SOX6: variants seen among roughly 807,000 people sequenced by gnomAD.
SOX6 encodes SRY-box transcription factor 6.
A neutral mutation model predicts 97.8 loss-of-function variants in SOX6; 11 were observed. The observed-to-expected ratio is 0.11, with a 90% CI of 0.07 to 0.19. The LOEUF (loss-of-function observed/expected upper bound fraction) is 0.19. Ranked by LOEUF, SOX6 falls within the 10% of genes least tolerant of loss-of-function variation. SOX6 has a pLI of 1.00. For missense variants in SOX6, 810 were observed against 1,039.5 expected (o/e 0.78, Z 3.04); for synonymous variants, 360 against 371.4 (o/e 0.97, Z 0.35).
chr11:16,194,526 T>C (rs1023776098), intron 4 of SOX6, among the ~76,000 whole-genome samples: 1 of 152,146 alleles, frequency 6.6e-6, no homozygotes, highest in Non-Finnish European at 1.5e-5. Flanking sequence ...TTTGTTACTG[T>C]TGTTGTTGTT....
At chr11:16,738,149 A>G (rs1258685682) in intron 1 of SOX6, among the ~76,000 whole-genome samples, 1 of 152,180 alleles carries the variant, frequency 6.6e-6, no homozygotes, top group African/African-American at 2.4e-5. Flanking sequence ...CGAAATATTC[A>G]TGAAAACATT....
At chr11:16,256,640 G>A (rs1405691766) in intron 3 of SOX6, among the ~76,000 whole-genome samples, 1 of 151,884 alleles carries the variant, frequency 6.6e-6, no homozygotes, top group Non-Finnish European at 1.5e-5. Context: ...AGTAAGATTA[G>A]AAACAAGGGG....
intron 9 of SOX6, among the ~76,000 whole-genome samples, chr11:16,088,114 C>T (rs953945710): frequency 3.2e-4 from 49 of 152,190 alleles, no homozygotes; most frequent in African/African-American, 1.2e-3. Flanking sequence ...TGTTAATTTG[C>T]TTGCAAACTT....
chr11:16,709,082 C>T (rs1442028391), intron 3 of SOX6, among the ~76,000 whole-genome samples: 3 of 152,130 alleles, frequency 2.0e-5, no homozygotes, highest in East Asian at 1.9e-4. Flanking sequence ...GGATATTTAT[C>T]CCCACCCAAA....
At chr11:16,218,915 T>G (rs1590039191) in intron 4 of SOX6, among the ~76,000 whole-genome samples, 1 of 152,198 alleles carries the variant, frequency 6.6e-6, no homozygotes, top group East Asian at 1.9e-4. Flanking sequence ...GTACTTTTCT[T>G]ACCAGTTCAT....
chr11:16,714,908 G>C (rs1848209309), intron 2 of SOX6: 1 of 152,138 alleles, frequency 6.6e-6, no homozygotes, highest in African/African-American at 2.4e-5. Context: ...AAACAGTCCT[G>C]TTGGAAAAGT....
intron 3 of SOX6, among the ~76,000 whole-genome samples, chr11:16,284,579 C>G (rs899827796): frequency 6.6e-6 from 1 of 152,034 alleles, no homozygotes. Flanking sequence ...AGGCAATATG[C>G]TAGGTTCTGG....
At chr11:16,426,478 A>C (rs1385193316) in intron 1 of SOX6, among the ~76,000 whole-genome samples, 1 of 152,052 alleles carries the variant, frequency 6.6e-6, no homozygotes, top group Non-Finnish European at 1.5e-5. Context: ...AATGGAACAA[A>C]ATAGAGAAAC....
At chr11:15,980,515 C>A (rs931392679) in intron 15 of SOX6, among the ~76,000 whole-genome samples, 1 of 152,090 alleles carries the variant, frequency 6.6e-6, no homozygotes, top group Non-Finnish European at 1.5e-5. Context: ...ACTAACTGTG[C>A]ATAGCTAATT....
At chr11:16,709,578 C>T (rs1284035486) in intron 3 of SOX6, among the ~76,000 whole-genome samples, 1 of 152,136 alleles carries the variant, frequency 6.6e-6, no homozygotes, top group Non-Finnish European at 1.5e-5. Flanking sequence ...TCTGTTCCTC[C>T]TTTGCCTTCC....
chr11:16,083,718 T>G (rs538062658), intron 9 of SOX6, among the ~76,000 whole-genome samples: 1 of 152,316 alleles, frequency 6.6e-6, no homozygotes, highest in South Asian at 2.1e-4. Flanking sequence ...TAGACCTCAG[T>G]TTCTTCAACT....
intron 6 of SOX6, among the ~76,000 whole-genome samples, chr11:16,140,700 G>A (rs942852544): frequency 6.6e-6 from 1 of 152,110 alleles, no homozygotes; most frequent in African/African-American, 2.4e-5. Flanking sequence ...GACTATGAGG[G>A]TAAAATACCA....
chr11:16,632,706 C>T (rs1378540143), intron 3 of SOX6, among the ~76,000 whole-genome samples: 1 of 152,240 alleles, frequency 6.6e-6, no homozygotes, highest in Non-Finnish European at 1.5e-5. Flanking sequence ...AGCAAAGCAA[C>T]CTCCTCGGCC....
At chr11:16,559,223 T>C (rs956422332) in intron 4 of SOX6, among the ~76,000 whole-genome samples, 33 of 152,094 alleles carry the variant, frequency 2.2e-4, no homozygotes, top group African/African-American at 7.7e-4. Context: ...TTTTCACTAG[T>C]ATCATAATGG....
At chr11:16,560,558 C>T (rs183504395) in intron 4 of SOX6, among the ~76,000 whole-genome samples, 5 of 101,730 alleles carry the variant, frequency 4.9e-5, no homozygotes, top group African/African-American at 1.5e-4. Context: ...TATGTTTATA[C>T]GTACATATAT....
At chr11:16,344,117 A>T (rs1284400584) in intron 1 of SOX6, among the ~76,000 whole-genome samples, 1 of 151,962 alleles carries the variant, frequency 6.6e-6, no homozygotes, top group Non-Finnish European at 1.5e-5. Context: ...TTACTTTATT[A>T]TAGTTCTCAA....
At chr11:16,516,367 A>G (rs1407749797) in intron 4 of SOX6, among the ~76,000 whole-genome samples, 10 of 152,322 alleles carry the variant, frequency 6.6e-5, no homozygotes, top group African/African-American at 2.2e-4. Context: ...GTTGGTGTAT[A>G]AGAATGCTTG....
At chr11:16,447,529 AAGAG>A (rs1167388229) in intron 1 of SOX6, among the ~76,000 whole-genome samples, 2 of 152,006 alleles carry the variant, frequency 1.3e-5, no homozygotes, top group African/African-American at 4.8e-5. Context: ...GAGAAACAGA[AAGAG>A]AGAGAGATAG....
At chr11:16,006,977 C>T (rs1322437522) in intron 13 of SOX6, among the ~76,000 whole-genome samples, 3 of 151,918 alleles carry the variant, frequency 2.0e-5, no homozygotes, top group Admixed American at 1.3e-4. Context: ...TCTACAGAGA[C>T]CCACCTCTAA....
Sources: gnomAD v4.1 joint callset for allele counts (sites outside exome capture counted in the v4.1 genomes callset) on GRCh38, gnomAD v4.1.1 for gene constraint, MANE v1.5 for transcripts, NCBI Gene and HGNC (gene_info 2026-07-23, HGNC 2026-07-21) for gene names.